The following MECOM variants were observed in gnomAD, a reference collection of about 807,000 sequenced individuals.
MECOM encodes MDS1 and EVI1 complex locus.
A neutral mutation model predicts 116.3 loss-of-function variants in MECOM; 13 were observed. The ratio of observed to expected loss-of-function variants is 0.11; its 90% CI spans 0.07 to 0.18. The LOEUF is 0.18. MECOM is among the 10% of genes least tolerant of loss of function. The pLI is 1.00. For missense variants in MECOM, 1,299 were observed against 1,509.0 expected, an observed-to-expected ratio of 0.86 and a Z score of 2.31; for synonymous variants, 528 against 535.2, an observed-to-expected ratio of 0.99 and a Z score of 0.19.
At chr3:169,149,975 G>C (rs7637020) in intron 2 of MECOM, among the ~76,000 whole-genome samples, 6,814 of 100,112 alleles carry the variant, frequency 0.068, 482 homozygotes, top group African/African-American at 0.19. Context: ...GTGTGTGTGT[G>C]TGTCTGTCTG....
At chr3:169,530,105 G>T (rs146444834) in intron 1 of MECOM, among the ~76,000 whole-genome samples, 1 of 151,818 alleles carries the variant, frequency 6.6e-6, no homozygotes, top group Non-Finnish European at 1.5e-5. Context: ...ATCCAAGGTA[G>T]CACTTAAGGC....
chr3:169,534,393 G>C (rs928985108), intron 1 of MECOM, among the ~76,000 whole-genome samples: 1 of 152,118 alleles, frequency 6.6e-6, no homozygotes, highest in African/African-American at 2.4e-5. Flanking sequence ...AAAGCACCCA[G>C]ACATACTGAT....
intron 1 of MECOM, among the ~76,000 whole-genome samples, chr3:169,616,309 T>C (rs1278278850): frequency 2.0e-5 from 3 of 152,066 alleles, no homozygotes; most frequent in African/African-American, 7.2e-5. Context: ...GAAAAAGAAA[T>C]GTATTCCTTA....
chr3:169,182,593 A>T (rs1746113256), intron 2 of MECOM, among the ~76,000 whole-genome samples: 1 of 152,232 alleles, frequency 6.6e-6, no homozygotes. Flanking sequence ...CACAGAGATT[A>T]AGCACATGTG....
intron 2 of MECOM, among the ~76,000 whole-genome samples, chr3:169,200,654 T>A (rs1480521398): frequency 6.6e-6 from 1 of 152,094 alleles, no homozygotes; most frequent in African/African-American, 2.4e-5. Context: ...TCAAGTCAGA[T>A]ATTTGGGCAA....
At chr3:169,285,862 TATA>T (rs1285206589) in intron 2 of MECOM, among the ~76,000 whole-genome samples, 3 of 152,204 alleles carry the variant, frequency 2.0e-5, no homozygotes, top group African/African-American at 7.2e-5. Flanking sequence ...CTTCAGGCCT[TATA>T]ATGATGATGC....
chr3:169,267,969 C>T (rs1184898649), intron 2 of MECOM, among the ~76,000 whole-genome samples: 1 of 152,098 alleles, frequency 6.6e-6, no homozygotes, highest in African/African-American at 2.4e-5. Context: ...AAGATGTCCC[C>T]TGATGGCCAA....
At chr3:169,429,604 A>T (rs1167179452) in intron 1 of MECOM, among the ~76,000 whole-genome samples, 1 of 152,226 alleles carries the variant, frequency 6.6e-6, no homozygotes, top group Non-Finnish European at 1.5e-5. Flanking sequence ...CATCTTGAAA[A>T]TTCGGCTCTA....
At position 169,115,477 on chromosome 3, in the gene MECOM, C is replaced by T; in HGVS notation, c.2395G>A (p.Gly799Arg). Residue 799 changes from glycine (G) to arginine (R), a missense_variant, in exon 8 of 17, where the codon GGA becomes AGA. Gly to Arg is a moderately radical substitution (Grantham distance 125). This residue lies in a region of MECOM where 340 missense variants were observed against 312.6 expected (regional missense o/e 1.09). Coordinates refer to ENST00000651503, the MANE Select transcript of MECOM (RefSeq NM_004991.4). The part of the protein sequence containing the change: ...TEPRKNHVFG[G>R]KKGSNVESRP... ...GATTCGACGTTGCTTCCTTTTTTTC[C>T]CCCAAACACGTGGTTTTTTCGAGGC... 1 of 1,614,014 alleles carries T rather than the reference C, an allele frequency of 6.2e-7. No homozygotes were observed. Among genetic ancestry groups the T allele is most frequent in the Non-Finnish European group, 8.5e-7 (1 of 1,179,994 alleles).
intron 2 of MECOM, among the ~76,000 whole-genome samples, chr3:169,360,192 G>C (rs750993786): frequency 6.7e-6 from 1 of 149,224 alleles, no homozygotes; most frequent in African/African-American, 2.5e-5. Context: ...ATTTCCAGTA[G>C]CATATATTTT....
At chr3:169,319,630 T>C (rs1001131238) in intron 2 of MECOM, among the ~76,000 whole-genome samples, 9 of 152,196 alleles carry the variant, frequency 5.9e-5, no homozygotes, top group African/African-American at 2.2e-4. Context: ...ATGTTAACGG[T>C]TGGGAAGAAG....
Position 169,146,205 on chromosome 3 carries a change from GA to G in MECOM, c.376-2374del, listed in dbSNP as rs10662632. On this transcript the variant is annotated intron_variant, in intron 2 of 16. Transcript: ENST00000651503. ...CCTTTCAAAAAACCAACAGCAAAAG[GA>G]AAAAAAAAAAAATCCCCACAATCTA... The G allele has an allele frequency of 8.7e-3, 8,231 of 945,588 alleles. 4 individuals carry two copies. Among genetic ancestry groups the G allele is most frequent in the East Asian group, 0.058 (1,115 of 19,112 alleles). 58.6% of individuals were successfully genotyped at this position (945,588 alleles called of 1,614,324 possible). A position where few individuals can be genotyped will look rare whatever the true frequency, so the allele number is the denominator to read the frequency against.
At chr3:169,581,653 T>C (rs942558629) in intron 1 of MECOM, among the ~76,000 whole-genome samples, 1 of 152,268 alleles carries the variant, frequency 6.6e-6, no homozygotes, top group South Asian at 2.1e-4. Context: ...TTGATCTTAT[T>C]TGAATGTCTG....
chr3:169,122,497 G>C (rs1437191517), intron 6 of MECOM, 83 bp downstream of exon 6: 2 of 1,513,482 alleles, frequency 1.3e-6, no homozygotes, highest in African/African-American at 2.8e-5. Flanking sequence ...CTGAAGGCTT[G>C]TTTTTATATA....
chr3:169,094,343 G>A (rs1377806683), intron 13 of MECOM, among the ~76,000 whole-genome samples: 1 of 152,072 alleles, frequency 6.6e-6, no homozygotes, highest in African/African-American at 2.4e-5. Context: ...GAGACAAATT[G>A]TGACTGCACA....
At chr3:169,447,040 A>T (rs17486987) in intron 1 of MECOM, among the ~76,000 whole-genome samples, 27,068 of 152,190 alleles carry the variant, frequency 0.18, 2,961 homozygotes, top group East Asian at 0.25. Context: ...ATGAAAAGGG[A>T]TCCTCATTGT....
intron 2 of MECOM, among the ~76,000 whole-genome samples, chr3:169,164,172 G>A (rs1743230195): frequency 6.6e-6 from 1 of 152,102 alleles, no homozygotes; most frequent in African/African-American, 2.4e-5. Flanking sequence ...TGTTGTGGGA[G>A]GGACCCAGTG....
intron 2 of MECOM, among the ~76,000 whole-genome samples, chr3:169,378,582 GA>G (rs1475772052): frequency 3.1e-5 from 2 of 64,320 alleles, no homozygotes; most frequent in East Asian, 4.1e-4. Flanking sequence ...AAGAAAGAAA[GA>G]AAGTAAGTAA....
intron 1 of MECOM, among the ~76,000 whole-genome samples, chr3:169,594,147 A>C (rs1205630854): frequency 3.0e-4 from 36 of 120,360 alleles, no homozygotes; most frequent in Admixed American, 1.2e-3. Context: ...CAACACCACC[A>C]CCACCACAAA....
Sources: gnomAD v4.1 joint callset for allele counts (sites outside exome capture counted in the v4.1 genomes callset) on GRCh38, gnomAD v4.1.1 for gene constraint, gnomAD v4.1.1 regional missense constraint, MANE v1.5 for transcripts, NCBI Gene and HGNC (gene_info 2026-07-23, HGNC 2026-07-21) for gene names.